VWDE: variants seen among roughly 807,000 people sequenced by gnomAD.
The protein encoded by VWDE is von Willebrand factor D and EGF domains.
In VWDE, 207 loss-of-function variants were observed where a neutral mutation model predicts 178.4. The observed-to-expected ratio is 1.16, with a 90% confidence interval of 1.04 to 1.30. VWDE has a LOEUF of 1.30. Ranked by LOEUF, VWDE falls within the 50% of genes most tolerant of loss-of-function variation. VWDE has a pLI of 0.00. For missense variants in VWDE, 2,287 were observed against 1,901.3 expected (o/e 1.20, Z -3.77); for synonymous variants, 738 against 651.4 (o/e 1.13, Z -2.02).
rs1306325449 is a variant in VWDE at position 12,340,328 on chromosome 7, G to A, written c.4360C>T (p.Gln1454Ter). The A allele has an allele frequency of 1.0e-5, 16 of 1,549,770 alleles. No individual in the cohort carries two copies. Among genetic ancestry groups the A allele is most frequent in the Admixed American group, 3.9e-5 (2 of 50,856 alleles). ...ACAAAGAAAGAATAATTACCATTCT[G>A]ACAGTGTTCCCCAAAGAATCCATTT... ...CPNGFFGEHC[Q>*]NAFCHPPCKN... Residue 1454 changes from glutamine to a stop codon, truncating the protein, a stop_gained, in exon 24 of 29, where the codon CAG (glutamine) becomes TAG (stop). Coordinates refer to ENST00000275358, the MANE Select transcript of VWDE (RefSeq NM_001135924.3). LOFTEE classifies it high-confidence loss of function.
intron 13 of VWDE, among the ~76,000 whole-genome samples, chr7:12,365,249 G>A (rs1782797618): frequency 6.6e-6 from 1 of 151,968 alleles, no homozygotes; most frequent in African/African-American, 2.4e-5. Flanking sequence ...AACAAGGTCT[G>A]TAAATTTGTT....
chr7:12,368,732 C>T (rs1322632909), intron 12 of VWDE, among the ~76,000 whole-genome samples: 1 of 152,086 alleles, frequency 6.6e-6, no homozygotes, highest in African/African-American at 2.4e-5. Flanking sequence ...ACCTGCTGCA[C>T]AGAAATTTAG....
chr7:12,376,016 TA>T (rs906992055), intron 7 of VWDE, among the ~76,000 whole-genome samples: 1 of 152,108 alleles, frequency 6.6e-6, no homozygotes, highest in Non-Finnish European at 1.5e-5. Flanking sequence ...AAAAAGTTGT[TA>T]AAAAATGTTC....
intron 27 of VWDE, 109 bp from the exon 28 acceptor site, chr7:12,333,677 T>G (rs1261370229): frequency 1.4e-6 from 1 of 696,926 alleles, no homozygotes; most frequent in African/African-American, 1.8e-5. Context: ...AATGCAGTCA[T>G]AAGAATCTAT....
At chr7:12,383,655 C>G in intron 3 of VWDE, 54 bp from the exon 4 acceptor site, 2 of 1,367,186 alleles carry the variant, frequency 1.5e-6, no homozygotes, top group Non-Finnish European at 2.0e-6. Context: ...AGATATACAT[C>G]TACATATATC....
At chr7:12,367,235 G>A in intron 13 of VWDE, 122 bp downstream of exon 13, 1 of 687,322 alleles carries the variant, frequency 1.5e-6, no homozygotes, top group Non-Finnish European at 2.1e-6. Context: ...TTCCTGTTCA[G>A]CTCTCTAGAT....
At chr7:12,337,499 A>G (rs1583271247) in intron 24 of VWDE, among the ~76,000 whole-genome samples, 2 of 152,210 alleles carry the variant, frequency 1.3e-5, no homozygotes, top group East Asian at 1.9e-4. Flanking sequence ...TTAAGTGTTC[A>G]TAACAAATTG....
At chr7:12,362,206 A>T (rs1782620923) in intron 13 of VWDE, among the ~76,000 whole-genome samples, 1 of 122,968 alleles carries the variant, frequency 8.1e-6, no homozygotes, top group Admixed American at 9.0e-5. Context: ...ACAAAAGCCA[A>T]ATTGAGACAA....
At chr7:12,385,133 G>T (rs917873811) in intron 3 of VWDE, among the ~76,000 whole-genome samples, 1 of 151,630 alleles carries the variant, frequency 6.6e-6, no homozygotes, top group African/African-American at 2.4e-5. Context: ...TTGACTTCTA[G>T]AAGGCTCTAG....
intron 1 of VWDE, among the ~76,000 whole-genome samples, chr7:12,400,866 C>T (rs147629688): frequency 9.9e-5 from 15 of 152,120 alleles, no homozygotes; most frequent in African/African-American, 3.4e-4. Context: ...AAAATTATGA[C>T]CAAGTGAGAT....
In VWDE at chr7:12,370,502, G is replaced by A. The variant is rs1447240261; in HGVS notation, c.1804C>T (p.Pro602Ser). ...AGTGTGTCAGACATGCTTTTTCCTGGTAAAATCCTTCCAGATGGAAAACAG... is the reference window on the plus strand; with the variant it reads ...AGTGTGTCAGACATGCTTTTTCCTGATAAAATCCTTCCAGATGGAAAACAG... ...VAFINEWRILPGKSMSDTLPV... is the reference protein window; with the variant it reads ...VAFINEWRILSGKSMSDTLPV... The change falls in exon 12 of 29, where the codon CCA (proline) becomes TCA (serine). Residue 602 changes from proline to serine, a missense_variant. Coordinates refer to ENST00000275358, the MANE Select transcript of VWDE (RefSeq NM_001135924.3). 6.5e-7 allele frequency: 1 copy of A among 1,535,912 alleles called. No homozygotes were observed. The highest frequency in any genetic ancestry group is 1.4e-5 in the African/African-American group (1 of 72,702).
intron 1 of VWDE, among the ~76,000 whole-genome samples, chr7:12,401,834 G>A (rs888584630): frequency 6.6e-6 from 1 of 151,938 alleles, no homozygotes; most frequent in African/African-American, 2.4e-5. Context: ...AACAAAACTT[G>A]TACCTCGGTG....
Position 12,403,778 on chromosome 7 carries a change from T to A in VWDE, c.-62A>T. 1.3e-6 allele frequency: 2 copies of A among 1,521,402 alleles called. No homozygotes were observed. Among genetic ancestry groups the A allele is most frequent in the South Asian group, 2.4e-5 (2 of 82,998 alleles). The allele number at this position is 1,521,402 out of a possible 1,614,324, so 94.2% of individuals were successfully genotyped here. A position where few individuals can be genotyped will look rare whatever the true frequency, so the allele number is the denominator to read the frequency against. ...GCCCGGGCCGCGGGTGCCAGGAGGA[T>A]GGGGCCACAGCAGCCCCTCGGGCCT... is the stretch of plus-strand genomic sequence containing the variant. On this transcript the variant is annotated 5_prime_UTR_variant, in exon 1 of 29. Transcript: ENST00000275358.
chr7:12,393,717 A>G lies in VWDE; in HGVS notation c.120T>C (p.Phe40=). The change falls in exon 2 of 29, where the codon TTT becomes TTC. Residue 40 remains phenylalanine, a synonymous_variant. Transcript: ENST00000275358. Reference sequence around the variant, plus strand: ...CTGACTGCTGGAGGTGCCATGAGTCAAAACGGACACTTCTATAAGGACTCC... The same window carrying G: ...CTGACTGCTGGAGGTGCCATGAGTCGAAACGGACACTTCTATAAGGACTCC... ...FLRSPYRSVR[F]DSWHLQQSAV... is the part of the protein sequence containing the mutation. The G allele has an allele frequency of 6.4e-7, 1 of 1,551,258 alleles. No homozygotes were observed. The highest frequency in any genetic ancestry group is 1.4e-5 in the African/African-American group (1 of 73,130).
At chr7:12,381,921 A>C (rs952577528) in intron 4 of VWDE, among the ~76,000 whole-genome samples, 1 of 151,962 alleles carries the variant, frequency 6.6e-6, no homozygotes, top group African/African-American at 2.4e-5. Context: ...TTAAATTGAG[A>C]ACTATCTGGG....
chr7:12,378,040 A>T, intron 6 of VWDE, 120 bp from the exon 7 acceptor site: 1 of 752,338 alleles, frequency 1.3e-6, no homozygotes, highest in Non-Finnish European at 1.9e-6. Context: ...TAAGCCCTAG[A>T]ATGTTTTAAC....
At chr7:12,383,331 C>T (rs933748519) in intron 4 of VWDE, among the ~76,000 whole-genome samples, 5 of 152,078 alleles carry the variant, frequency 3.3e-5, no homozygotes, top group South Asian at 2.1e-4. Flanking sequence ...AATACACACA[C>T]GTTTGCCTAA....
intron 7 of VWDE, among the ~76,000 whole-genome samples, chr7:12,375,487 C>T (rs1330250161): frequency 2.6e-5 from 4 of 151,722 alleles, no homozygotes; most frequent in African/African-American, 9.7e-5. Flanking sequence ...AGGTTATAAA[C>T]CTGTATGCAA....
At chr7:12,342,296 G>T in intron 22 of VWDE, 142 bp from the exon 23 acceptor site, 1 of 562,126 alleles carries the variant, frequency 1.8e-6, no homozygotes, top group Non-Finnish European at 2.9e-6. Context: ...ATTTATATTC[G>T]GGTTTCAAAT....
Sources: allele counts gnomAD v4.1 joint callset (sites outside exome capture counted in the v4.1 genomes callset), GRCh38; gene constraint gnomAD v4.1.1; transcripts MANE v1.5; gene names NCBI Gene and HGNC (gene_info 2026-07-23, HGNC 2026-07-21).